The following ZFP1 variants were observed in gnomAD, a reference collection of about 807,000 sequenced individuals.
ZFP1 encodes ZFP1 zinc finger protein.
ZFP1 carries 32 observed loss-of-function variants against 38.5 expected under a neutral mutation model. The observed-to-expected ratio is 0.83, with a 90% CI of 0.63 to 1.12. The LOEUF (loss-of-function observed/expected upper bound fraction) is 1.12, where lower values mean the gene tolerates loss of function less well. Among genes scored for constraint, ZFP1 ranks in the 50% most tolerant of loss-of-function variants. The pLI is 0.00. For synonymous variants in ZFP1, 245 were observed against 168.8 expected (o/e 1.45, Z -3.50); for missense variants, 616 against 480.8 (o/e 1.28, Z -2.63).
At position 75,166,904 on chromosome 16, in the gene ZFP1, C is replaced by G. The variant is rs777476771; in HGVS notation, c.142+8C>G. On this transcript the variant is annotated splice_region_variant and intron_variant, in intron 3 of 3. Coordinates refer to ENST00000570010, the MANE Select transcript of ZFP1 (RefSeq NM_153688.4). The stretch of plus-strand genomic sequence containing the variant: ...GCAACTTACTTTCAGTGGGTAAGGA[C>G]GGTTTTCAGGTACAGCTCACCATGT... 1.2e-6 allele frequency: 2 copies of G among 1,612,346 alleles called. No homozygotes were observed. The highest frequency in any genetic ancestry group is 1.7e-5 in the Admixed American group (1 of 59,916).
chr16:75,133,651 T>C, the ZFP1 span, among the ~76,000 whole-genome samples: 2 of 152,248 alleles, frequency 1.3e-5, no homozygotes, highest in Non-Finnish European at 1.5e-5. Context: ...GGCTATTATA[T>C]TGGACAGCAC....
the ZFP1 span, among the ~76,000 whole-genome samples, chr16:75,137,461 C>CTT: frequency 4.8e-4 from 43 of 89,406 alleles, 4 homozygotes; most frequent in African/African-American, 1.5e-3. Flanking sequence ...AAAAAAAATT[C>CTT]TTTTTTTTTT....
intron 1 of ZFP1, chr16:75,148,939 C>G (rs1300905336): frequency 6.6e-6 from 1 of 151,870 alleles, no homozygotes; most frequent in Non-Finnish European, 1.5e-5. Flanking sequence ...GCTCGGGCCG[C>G]GCGGGAGCGA....
chr16:75,125,111 T>C, the ZFP1 span, among the ~76,000 whole-genome samples: 3 of 151,444 alleles, frequency 2.0e-5, no homozygotes, highest in Non-Finnish European at 2.9e-5. Flanking sequence ...ATACAAAAAT[T>C]AGCCAGGCAT....
intron 2 of ZFP1, among the ~76,000 whole-genome samples, chr16:75,157,837 C>A (rs2037545249): frequency 6.6e-6 from 1 of 151,972 alleles, no homozygotes; most frequent in Admixed American, 6.6e-5. Flanking sequence ...GCTCTGTTAC[C>A]CAGGCTGGAG....
chr16:75,150,831 G>C (rs1327282916), intron 1 of ZFP1, among the ~76,000 whole-genome samples: 1 of 152,088 alleles, frequency 6.6e-6, no homozygotes, highest in Admixed American at 6.6e-5. Flanking sequence ...TTCCTTGATT[G>C]ATTGATTGAT....
chr16:75,149,509 G>C (rs1420548811), intron 1 of ZFP1, among the ~76,000 whole-genome samples: 1 of 148,730 alleles, frequency 6.7e-6, no homozygotes, highest in Non-Finnish European at 1.5e-5. Flanking sequence ...GGTCCTATGT[G>C]ATTGTAATAC....
At position 75,170,184 on chromosome 16, in the gene ZFP1, C is replaced by CAAAACTTTCAGCCAGAGG; in HGVS notation, c.1075_1092dup (p.Lys359_Arg364dup). On this transcript the variant is annotated inframe_insertion, in exon 4 of 4. Transcript: ENST00000570010. ...AACCCTATGAATGTACTGAGTGCGG[C>CAAAACTTTCAGCCAGAGG]AAAACTTTCAGCCAGAGGTCAACTC... 1 of 1,614,112 alleles carries CAAAACTTTCAGCCAGAGG rather than the reference C, an allele frequency of 6.2e-7. No individual in the cohort carries two copies. Among genetic ancestry groups the CAAAACTTTCAGCCAGAGG allele is most frequent in the East Asian group, 2.2e-5 (1 of 44,876 alleles).
intron 1 of ZFP1, among the ~76,000 whole-genome samples, chr16:75,149,557 CT>C (rs34371791): frequency 0.067 from 6,779 of 101,354 alleles, 69 homozygotes; most frequent in East Asian, 0.18. Flanking sequence ...TCTTTACTTT[CT>C]TTTTTTTTTT....
chr16:75,128,548 A>G, the ZFP1 span, among the ~76,000 whole-genome samples: 1 of 152,156 alleles, frequency 6.6e-6, no homozygotes, highest in African/African-American at 2.4e-5. Context: ...CTTGTCTAAT[A>G]TTTTTCAATT....
intron 2 of ZFP1, among the ~76,000 whole-genome samples, chr16:75,162,318 C>T (rs189129258): frequency 7.8e-4 from 118 of 151,366 alleles, no homozygotes; most frequent in African/African-American, 2.4e-3. Flanking sequence ...AGATGGGGGT[C>T]TCGCCCTGTT....
At chr16:75,125,588 G>T in the ZFP1 span, among the ~76,000 whole-genome samples, 9 of 152,228 alleles carry the variant, frequency 5.9e-5, no homozygotes, top group Admixed American at 2.0e-4. Flanking sequence ...CTTCCAAAGT[G>T]CTGGGATTAC....
chr16:75,142,045 C>A, the ZFP1 span, among the ~76,000 whole-genome samples: 2 of 128,964 alleles, frequency 1.6e-5, no homozygotes, highest in East Asian at 4.4e-4. Context: ...CAGAGCAAGA[C>A]TCCATCTCAA....
At chr16:75,154,806 T>A (rs2037390665) in intron 2 of ZFP1, among the ~76,000 whole-genome samples, 1 of 152,094 alleles carries the variant, frequency 6.6e-6, no homozygotes, top group Non-Finnish European at 1.5e-5. Context: ...TTTTAATTTT[T>A]ATTTTTTTTG....
the ZFP1 span, among the ~76,000 whole-genome samples, chr16:75,140,978 G>T: frequency 6.6e-6 from 1 of 151,912 alleles, no homozygotes; most frequent in South Asian, 2.1e-4. Context: ...CAACACTTGG[G>T]AGAAAAGTCT....
In ZFP1 at chr16:75,154,023, G is replaced by C. The variant is rs150028164; in HGVS notation, c.15+1057G>C. On this transcript the variant is annotated intron_variant, in intron 2 of 3. Transcript: ENST00000570010. ...AAGGTTTCTCCAAGTTCAAGACAAT[G>C]CTGGCCAACACGGTGAAACCCCGTC... 1.5e-3 allele frequency among the ~76,000 whole-genome samples: 223 copies of C among 152,212 alleles called. 2 individuals carry two copies. The highest frequency in any genetic ancestry group is 4.6e-3 in the South Asian group (22 of 4,820).
the ZFP1 span, among the ~76,000 whole-genome samples, chr16:75,131,779 C>A: frequency 1.2e-3 from 180 of 152,170 alleles, no homozygotes; most frequent in African/African-American, 4.2e-3. Flanking sequence ...GCCTGGCCAA[C>A]ATGATACAAC....
chr16:75,123,262 G>A, the ZFP1 span, among the ~76,000 whole-genome samples: 2 of 151,314 alleles, frequency 1.3e-5, no homozygotes, highest in African/African-American at 4.9e-5. Flanking sequence ...GCTGAGGCAG[G>A]AGAATCACTT....
At chr16:75,127,244 T>C in the ZFP1 span, among the ~76,000 whole-genome samples, 2 of 152,188 alleles carry the variant, frequency 1.3e-5, no homozygotes, top group African/African-American at 4.8e-5. Context: ...TCTAAAACTC[T>C]AACAGGTGCT....
Sources: gnomAD v4.1 joint callset for allele counts (sites outside exome capture counted in the v4.1 genomes callset) on GRCh38, gnomAD v4.1.1 for gene constraint, MANE v1.5 for transcripts, NCBI Gene and HGNC (gene_info 2026-07-23, HGNC 2026-07-21) for gene names.